Variants in CLIC4 observed in about 807,000 individuals in gnomAD.
The protein encoded by CLIC4 is chloride intracellular channel protein 4.
A neutral mutation model predicts 24.6 loss-of-function variants in CLIC4; 13 were observed. The observed-to-expected ratio is 0.53, with a 90% CI of 0.34 to 0.84. The LOEUF (loss-of-function observed/expected upper bound fraction) is 0.84. Among genes scored for constraint, CLIC4 ranks in the 40% least tolerant of loss-of-function variants. The pLI, the probability that CLIC4 is intolerant of heterozygous loss-of-function variation, is 0.01. For synonymous variants in CLIC4, 104 were observed against 111.3 expected, an observed-to-expected ratio of 0.93 and a Z score of 0.41; for missense variants, 227 against 301.7, an observed-to-expected ratio of 0.75 and a Z score of 1.83.
chr1:24,780,762 G>A (rs1395785328), intron 1 of CLIC4, among the ~76,000 whole-genome samples: 1 of 152,294 alleles, frequency 6.6e-6, no homozygotes, highest in African/African-American at 2.4e-5. Context: ...AATAAGTTGT[G>A]ATGACATCAG....
chr1:24,767,151 C>T (rs1049894591), intron 1 of CLIC4, among the ~76,000 whole-genome samples: 2 of 151,824 alleles, frequency 1.3e-5, no homozygotes, highest in Non-Finnish European at 2.9e-5. Context: ...ATGTGGCCCA[C>T]GGACCTCAGG....
intron 3 of CLIC4, among the ~76,000 whole-genome samples, chr1:24,818,340 G>C (rs1639692309): frequency 6.6e-6 from 1 of 152,062 alleles, no homozygotes; most frequent in Non-Finnish European, 1.5e-5. Context: ...AGGCTGGAGT[G>C]CAGTGGCACA....
intron 4 of CLIC4, 38 bp downstream of exon 4, chr1:24,827,154 A>T: frequency 8.0e-7 from 1 of 1,256,182 alleles, no homozygotes; most frequent in Non-Finnish European, 1.1e-6. Flanking sequence ...TGCAACAAAA[A>T]ACCCCAAACA....
Position 24,842,415 on chromosome 1 carries a change from T to C in CLIC4, c.*1478T>C, listed in dbSNP as rs975977081. ...TTTTGGTAATTTTTTTATACCTAAT[T>C]TGTATAGGAAGTGCTATTTCTCATA... On this transcript the variant is annotated 3_prime_UTR_variant, in exon 6 of 6. Transcript: ENST00000374379. The C allele has an allele frequency of 7.2e-5, 11 of 152,184 alleles. No homozygotes were observed. Among genetic ancestry groups the C allele is most frequent in the African/African-American group, 2.7e-4 (11 of 41,438 alleles). 9.4% of individuals were successfully genotyped at this position (152,184 alleles called of 1,614,324 possible). A position where few individuals can be genotyped will look rare whatever the true frequency, so the allele number is the denominator to read the frequency against.
At chr1:24,753,737 T>G (rs772179596) in intron 1 of CLIC4, among the ~76,000 whole-genome samples, 4 of 152,230 alleles carry the variant, frequency 2.6e-5, no homozygotes, top group Non-Finnish European at 4.4e-5. Flanking sequence ...CTCCCCACAC[T>G]TTCCTGTGTT....
intron 1 of CLIC4, among the ~76,000 whole-genome samples, chr1:24,747,576 G>GAAA (rs1638718628): frequency 6.6e-6 from 1 of 150,412 alleles, no homozygotes; most frequent in Non-Finnish European, 1.5e-5. Flanking sequence ...GTGGTGGGTG[G>GAAA]AAAACAGCAT....
intron 2 of CLIC4, among the ~76,000 whole-genome samples, chr1:24,799,498 A>G (rs1179596911): frequency 8.5e-6 from 1 of 118,282 alleles, no homozygotes; most frequent in South Asian, 2.9e-4. Flanking sequence ...CCCGGCAGCC[A>G]CCCCATCTGG....
chr1:24,813,042 C>CTTTTT (rs766894932), intron 2 of CLIC4, among the ~76,000 whole-genome samples: 1 of 114,040 alleles, frequency 8.8e-6, no homozygotes, highest in Non-Finnish European at 1.8e-5. Flanking sequence ...TTCTTTCTTT[C>CTTTTT]TTTCTTTTTT....
chr1:24,813,733 C>CT (rs1639640186), intron 2 of CLIC4, among the ~76,000 whole-genome samples: 1 of 150,884 alleles, frequency 6.6e-6, no homozygotes, highest in East Asian at 2.0e-4. Flanking sequence ...TATTTATTTT[C>CT]TTTTTGAGAC....
chr1:24,782,953 C>G (rs1208475947), intron 1 of CLIC4, among the ~76,000 whole-genome samples: 1 of 152,066 alleles, frequency 6.6e-6, no homozygotes, highest in Non-Finnish European at 1.5e-5. Context: ...ACATTCCAGC[C>G]TGGGCAGCAG....
At position 24,805,229 on chromosome 1, in the gene CLIC4, C is replaced by T. The variant is rs938607303; in HGVS notation, c.182+7378C>T. Among the ~76,000 whole-genome samples the T allele has an allele frequency of 4.0e-5, 6 of 150,882 alleles. No homozygotes were observed. In the East Asian group the frequency reaches 1.2e-3, roughly 29 times the overall value. On this transcript the variant is annotated intron_variant, in intron 2 of 5. Coordinates refer to ENST00000374379, the MANE Select transcript of CLIC4 (RefSeq NM_013943.3). The stretch of plus-strand genomic sequence containing the variant: ...TTGACATTAAAAGTAGACAGATTAA[C>T]AATATTTAATCCAAATCAGTAAAAT...
intron 2 of CLIC4, among the ~76,000 whole-genome samples, chr1:24,799,174 G>C (rs1265145657): frequency 6.6e-6 from 1 of 151,236 alleles, no homozygotes; most frequent in African/African-American, 2.4e-5. Context: ...GTCTCCGCCT[G>C]GCCGCCATCC....
chr1:24,839,339 G>A (rs573424253), intron 4 of CLIC4, among the ~76,000 whole-genome samples: 147 of 152,176 alleles, frequency 9.7e-4, no homozygotes, highest in African/African-American at 3.1e-3. Flanking sequence ...TCGCTCTTTC[G>A]CCCAGGCTGG....
intron 2 of CLIC4, among the ~76,000 whole-genome samples, chr1:24,799,698 T>TG (rs1159583019): frequency 3.6e-4 from 23 of 64,432 alleles, no homozygotes; most frequent in African/African-American, 3.6e-4. Context: ...GGGAGGGAGG[T>TG]GGGGGGGTCA....
Position 24,745,661 on chromosome 1 carries a change from C to T in CLIC4, c.72+36C>T, listed in dbSNP as rs889253514. ...GCCTCGCGGTCCCGCCCGGCAGATC[C>T]CCCGGCTCCCTCCCGGCTGCGGGGA... On this transcript the variant is annotated intron_variant, in intron 1 of 5. Transcript: ENST00000374379. 8 of 1,502,278 alleles carry T rather than the reference C, an allele frequency of 5.3e-6. No individual in the cohort carries two copies. In the African/African-American group the frequency reaches 8.6e-5, roughly 16 times the overall value. 93.1% of individuals were successfully genotyped at this position (1,502,278 alleles called of 1,614,324 possible).
chr1:24,789,523 A>G (rs1639309308), intron 1 of CLIC4, among the ~76,000 whole-genome samples: 1 of 152,208 alleles, frequency 6.6e-6, no homozygotes, highest in South Asian at 2.1e-4. Flanking sequence ...GTCTCAAAAC[A>G]AATAAACAAA....
At chr1:24,771,715 G>A (rs191552149) in intron 1 of CLIC4, 130 of 348,418 alleles carry the variant, frequency 3.7e-4, no homozygotes, top group African/African-American at 2.3e-3. Flanking sequence ...GTTAAAAGTA[G>A]TATTCAGTTA....
In CLIC4 at chr1:24,841,590, A is replaced by G. The variant is rs1231572462; in HGVS notation, c.*653A>G. The G allele has an allele frequency of 6.6e-6, 1 of 152,166 alleles. No individual in the cohort carries two copies. The highest frequency in any genetic ancestry group is 1.5e-5 in the Non-Finnish European group (1 of 68,028). 9.4% of individuals were successfully genotyped at this position (152,166 alleles called of 1,614,324 possible). ...GCATTTATCCTTCATACCAATTGTA[A>G]CATCTGACACCATGTAGAAGCTAAA... is the stretch of plus-strand genomic sequence containing the variant. On this transcript the variant is annotated 3_prime_UTR_variant, in exon 6 of 6. Transcript: ENST00000374379.
chr1:24,781,241 T>C (rs1639201664), intron 1 of CLIC4, among the ~76,000 whole-genome samples: 1 of 150,038 alleles, frequency 6.7e-6, no homozygotes, highest in Non-Finnish European at 1.5e-5. Context: ...TTCAAGCGAT[T>C]ATCCTGCCTC....
Sources: gnomAD v4.1 joint callset for allele counts (sites outside exome capture counted in the v4.1 genomes callset) on GRCh38, gnomAD v4.1.1 for gene constraint, MANE v1.5 for transcripts, NCBI Gene and HGNC (gene_info 2026-07-23, HGNC 2026-07-21) for gene names.